GYPE: variants seen among roughly 807,000 people sequenced by gnomAD.
GYPE encodes the protein glycophorin-E.
In GYPE, 8 loss-of-function variants were observed where a neutral mutation model predicts 11.6. The observed-to-expected ratio is 0.69, with a 90% CI of 0.41 to 1.25. GYPE has a LOEUF of 1.25. GYPE is among the 50% of genes most tolerant of loss of function. GYPE has a pLI of 0.01. For synonymous variants in GYPE, 28 were observed against 29.6 expected, an observed-to-expected ratio of 0.94 and a Z score of 0.18; for missense variants, 90 against 92.8, an observed-to-expected ratio of 0.97 and a Z score of 0.12.
intron 1 of GYPE, among the ~76,000 whole-genome samples, chr4:143,895,908 AGG>A: frequency 6.6e-6 from 1 of 152,068 alleles, no homozygotes; most frequent in Non-Finnish European, 1.5e-5. Flanking sequence ...CAATGGGGAA[AGG>A]ATTCCCTATT....
intron 1 of GYPE, among the ~76,000 whole-genome samples, chr4:143,889,637 G>T (rs2590010): frequency 3.3e-5 from 5 of 152,176 alleles, no homozygotes; most frequent in Non-Finnish European, 5.9e-5. Context: ...GAGCAACTGG[G>T]ACTATAGGTG....
Position 143,873,129 on chromosome 4 carries a change from T to C in GYPE, c.*10-877A>G, listed in dbSNP as rs189987965. Among the ~76,000 whole-genome samples the C allele has an allele frequency of 4.4e-3, 674 of 152,296 alleles. 8 individuals carry two copies. The highest frequency in any genetic ancestry group is 0.016 in the African/African-American group (650 of 41,544). ...ATATTCCATGCCATCTCATCCATTC[T>C]TTTTAGTAAGAATAAATTCTGCTGG... On this transcript the variant is annotated intron_variant, in intron 3 of 3. Transcript: ENST00000358615.
At chr4:143,900,802 A>G (rs7671679) in intron 1 of GYPE, among the ~76,000 whole-genome samples, 142,644 of 152,164 alleles carry the variant, frequency 0.94, 67,610 homozygotes, top group East Asian at 1. Context: ...GAGGTAGAAA[A>G]CAAATTAGTG....
chr4:143,905,412 T>G, intron 1 of GYPE, 59 bp downstream of exon 1: 1 of 1,610,598 alleles, frequency 6.2e-7, no homozygotes, highest in Non-Finnish European at 8.5e-7. Flanking sequence ...GTAGTTTACA[T>G]TTTATTCTAT....
At chr4:143,873,242 T>G (rs778424297) in intron 3 of GYPE, 3 of 295,178 alleles carry the variant, frequency 1.0e-5, no homozygotes, top group Non-Finnish European at 2.0e-5. Context: ...TACAGCATTT[T>G]TATGCTTTGC....
chr4:143,880,882 G>A (rs1483570932), intron 1 of GYPE, among the ~76,000 whole-genome samples: 4 of 152,040 alleles, frequency 2.6e-5, no homozygotes, highest in Non-Finnish European at 5.9e-5. Context: ...ATAGTACTTG[G>A]CACATAAAGA....
rs562080139 is a variant in GYPE at position 143,873,671 on chromosome 4, T to G, written c.*10-1419A>C. Among the ~76,000 whole-genome samples the G allele has an allele frequency of 5.3e-5, 8 of 152,316 alleles. No homozygotes were observed. In the South Asian group the frequency reaches 1.7e-3, roughly 32 times the overall value. On this transcript the variant is annotated intron_variant, in intron 3 of 3. Coordinates refer to ENST00000358615, the MANE Select transcript of GYPE (RefSeq NM_198682.3). ...ATGTTCATCAGCTGATTATGTGAACTCAGGCTGAACTCTAGTCATAAAATT... is the reference window on the plus strand; with the variant it reads ...ATGTTCATCAGCTGATTATGTGAACGCAGGCTGAACTCTAGTCATAAAATT...
chr4:143,883,924 A>G (rs1744152714), intron 1 of GYPE, among the ~76,000 whole-genome samples: 1 of 152,142 alleles, frequency 6.6e-6, no homozygotes, highest in South Asian at 2.1e-4. Context: ...TATTCCTCCA[A>G]GTTTCCTAAC....
intron 1 of GYPE, among the ~76,000 whole-genome samples, chr4:143,896,801 T>C (rs972380167): frequency 9.9e-5 from 15 of 152,150 alleles, no homozygotes; most frequent in Non-Finnish European, 2.1e-4. Context: ...ATGTGGCACA[T>C]ATACACCATG....
At chr4:143,872,296 G>C (rs1209412270) in intron 3 of GYPE, 44 bp from the exon 4 acceptor site, 1 of 152,622 alleles carries the variant, frequency 6.6e-6, no homozygotes, top group East Asian at 1.9e-4. Flanking sequence ...TTACATATAA[G>C]ATTGATGTTT....
chr4:143,904,820 AAATT>A (rs1446446716), intron 1 of GYPE, among the ~76,000 whole-genome samples: 1 of 152,250 alleles, frequency 6.6e-6, no homozygotes, highest in Non-Finnish European at 1.5e-5. Flanking sequence ...TTAATACACT[AAATT>A]AATAATTAAA....
chr4:143,875,583 A>G, intron 3 of GYPE: 4 of 1,548,792 alleles, frequency 2.6e-6, no homozygotes, highest in South Asian at 2.4e-5. Flanking sequence ...TCAGCCTCTG[A>G]TTGGTCACAG....
At chr4:143,889,109 A>C (rs372909490) in intron 1 of GYPE, among the ~76,000 whole-genome samples, 1 of 144,316 alleles carries the variant, frequency 6.9e-6, no homozygotes, top group Non-Finnish European at 1.5e-5. Flanking sequence ...ACTAATTGGT[A>C]ACACTTCTTC....
At chr4:143,873,737 T>C (rs2667346) in intron 3 of GYPE, among the ~76,000 whole-genome samples, 12 of 152,128 alleles carry the variant, frequency 7.9e-5, no homozygotes, top group South Asian at 2.1e-4. Context: ...TTCTTCACTG[T>C]GAAATGATTG....
At chr4:143,897,947 A>T (rs1470830373) in intron 1 of GYPE, among the ~76,000 whole-genome samples, 1 of 152,234 alleles carries the variant, frequency 6.6e-6, no homozygotes, top group Non-Finnish European at 1.5e-5. Flanking sequence ...ATATATATCA[A>T]AAGAGCAGAA....
intron 3 of GYPE, among the ~76,000 whole-genome samples, chr4:143,876,223 C>G (rs1312379315): frequency 5.9e-5 from 9 of 151,948 alleles, no homozygotes; most frequent in Admixed American, 5.9e-4. Context: ...AAGCAATCCT[C>G]CCACTTCAGC....
intron 2 of GYPE, among the ~76,000 whole-genome samples, chr4:143,877,614 G>A (rs1391975902): frequency 3.9e-5 from 6 of 152,152 alleles, no homozygotes; most frequent in Admixed American, 1.3e-4. Flanking sequence ...TCATTTATTT[G>A]CCTAATTAAT....
chr4:143,871,496 A>G lies in GYPE; in HGVS notation c.*766T>C, dbSNP rs957672313. ...TCTTTGCAGGGCTATGTTAGGCTTT[A>G]CACAATGTGACCCTCTAGTCTGTAC... is the stretch of plus-strand genomic sequence containing the variant. On this transcript the variant is annotated 3_prime_UTR_variant, in exon 4 of 4. Coordinates refer to ENST00000358615, the MANE Select transcript of GYPE (RefSeq NM_198682.3). 1.3e-5 allele frequency: 2 copies of G among 152,150 alleles called. No homozygotes were observed. The highest frequency in any genetic ancestry group is 2.9e-5 in the Non-Finnish European group (2 of 68,078). 9.4% of individuals were successfully genotyped at this position (152,150 alleles called of 1,614,324 possible).
chr4:143,892,416 G>A (rs1744444546), intron 1 of GYPE, among the ~76,000 whole-genome samples: 2 of 150,150 alleles, frequency 1.3e-5, no homozygotes, highest in Admixed American at 1.3e-4. Context: ...TGTCAATTTT[G>A]GATCTTTCCT....
Sources: gnomAD v4.1 joint callset for allele counts (sites outside exome capture counted in the v4.1 genomes callset) on GRCh38, gnomAD v4.1.1 for gene constraint, MANE v1.5 for transcripts, NCBI Gene and HGNC (gene_info 2026-07-23, HGNC 2026-07-21) for gene names.